Variants in PRR12 observed in about 807,000 individuals in gnomAD.
PRR12 encodes the protein proline-rich protein 12.
In PRR12, 12 loss-of-function variants were observed where a neutral mutation model predicts 138.0. The ratio of observed to expected loss-of-function variants is 0.09; its 90% CI spans 0.06 to 0.14. The LOEUF is 0.14. PRR12 is among the 10% of genes least tolerant of loss of function. PRR12 has a pLI of 1.00. For synonymous variants in PRR12, 1,567 were observed against 1,291.7 expected (o/e 1.21, Z -4.57); for missense variants, 2,692 against 2,861.3 (o/e 0.94, Z 1.35).
At chr19:49,620,521 T>C in intron 10 of PRR12, 44 bp downstream of exon 10, 1 of 1,543,076 alleles carries the variant, frequency 6.5e-7, no homozygotes, top group Non-Finnish European at 8.8e-7. Flanking sequence ...TGACTCGGTC[T>C]GAGGGAGCAG....
At chr19:49,610,046 C>T (rs1331982600) in intron 6 of PRR12, among the ~76,000 whole-genome samples, 2 of 152,004 alleles carry the variant, frequency 1.3e-5, no homozygotes, top group Non-Finnish European at 2.9e-5. Context: ...GCGATCTCGG[C>T]TCACTGCAAC....
chr19:49,602,351 T>C (rs1279559643), intron 6 of PRR12, among the ~76,000 whole-genome samples: 1 of 152,104 alleles, frequency 6.6e-6, no homozygotes, highest in Non-Finnish European at 1.5e-5. Flanking sequence ...ATGGTGGAAA[T>C]GTGTCATTGA....
intron 5 of PRR12, among the ~76,000 whole-genome samples, chr19:49,600,801 C>T (rs926763718): frequency 5.3e-5 from 8 of 152,144 alleles, no homozygotes; most frequent in South Asian, 2.1e-4. Context: ...TTCCGCTCAC[C>T]GCAACCTCTG....
intron 6 of PRR12, among the ~76,000 whole-genome samples, chr19:49,611,465 T>C (rs2080865502): frequency 6.6e-6 from 1 of 151,390 alleles, no homozygotes; most frequent in Non-Finnish European, 1.5e-5. Context: ...GGTAAAACCC[T>C]GCCTCTACTA....
intron 6 of PRR12, among the ~76,000 whole-genome samples, chr19:49,605,891 C>T (rs2080835749): frequency 6.6e-6 from 1 of 152,258 alleles, no homozygotes; most frequent in South Asian, 2.1e-4. Flanking sequence ...AATGTACAGA[C>T]CTTGGGGACT....
At chr19:49,609,299 G>A (rs1002896600) in intron 6 of PRR12, among the ~76,000 whole-genome samples, 2 of 152,036 alleles carry the variant, frequency 1.3e-5, no homozygotes, top group African/African-American at 4.8e-5. Context: ...GAGTGAGACC[G>A]TCTCAAAAAA....
chr19:49,624,575 G>A (rs912285476), intron 11 of PRR12, among the ~76,000 whole-genome samples: 1 of 151,510 alleles, frequency 6.6e-6, no homozygotes, highest in African/African-American at 2.4e-5. Context: ...GGTTAGGATG[G>A]GGCTGGGAAT....
At chr19:49,619,229 T>C (rs1599802083) in intron 9 of PRR12, among the ~76,000 whole-genome samples, 1 of 141,060 alleles carries the variant, frequency 7.1e-6, no homozygotes, top group Admixed American at 7.0e-5. Context: ...TGTGAGTTTT[T>C]TTTTTTTTTT....
At chr19:49,621,824 G>C (rs1020928462) in intron 11 of PRR12, 2 of 577,726 alleles carry the variant, frequency 3.5e-6, no homozygotes, top group Non-Finnish European at 6.2e-6. Context: ...GAGGAGCTGT[G>C]GGCCTTGGGG....
At chr19:49,621,811 G>A (rs775503405) in intron 11 of PRR12, 189 bp downstream of exon 11, 4 of 589,600 alleles carry the variant, frequency 6.8e-6, no homozygotes, top group East Asian at 2.8e-5. Flanking sequence ...AAGCCCATGT[G>A]GGGAGGAGCT....
Position 49,595,433 on chromosome 19 carries a change from G to C in PRR12, c.1098G>C (p.Glu366Asp). The change falls in exon 4 of 14, where the codon GAG becomes GAC. Residue 366 changes from glutamate to aspartate, a missense_variant. Glu to Asp is a conservative substitution (Grantham distance 45). This residue lies in a region of PRR12 where 523 missense variants were observed against 496.4 expected (regional missense o/e 1.05). Coordinates refer to ENST00000418929, the MANE Select transcript of PRR12 (RefSeq NM_020719.3). ...CATCTGGCCGGGCCACGGGCCCTGA[G>C]GCAGCAGGGGGCGGTGGGGCTGGGG... ...AGASGRATGPEAAGGGGAGGG... is the reference protein window; with the variant it reads ...AGASGRATGPDAAGGGGAGGG... 6.5e-7 allele frequency: 1 copy of C among 1,547,368 alleles called. No individual in the cohort carries two copies. Among genetic ancestry groups the C allele is most frequent in the Non-Finnish European group, 8.7e-7 (1 of 1,146,444 alleles).
chr19:49,621,006 G>A (rs1160737023), intron 10 of PRR12, among the ~76,000 whole-genome samples: 3 of 117,804 alleles, frequency 2.5e-5, no homozygotes, highest in Admixed American at 2.5e-4. Flanking sequence ...TCCTGGGTCT[G>A]AGGGAGGAGG....
rs776144775 is a variant in PRR12 at position 49,595,831 on chromosome 19, C to T, written c.1496C>T (p.Pro499Leu). Residue 499 changes from proline (P) to leucine (L), a missense_variant, in exon 4 of 14, where the codon CCG becomes CTG. Coordinates refer to ENST00000418929, the MANE Select transcript of PRR12 (RefSeq NM_020719.3). ...PGLATCQSYS[P>L]DQLQGQLYGV... Reference sequence around the variant, plus strand: ...CTGGCCACATGTCAGAGCTACTCCCCGGACCAGCTGCAGGGGCAGCTGTAT... The same window carrying T: ...CTGGCCACATGTCAGAGCTACTCCCTGGACCAGCTGCAGGGGCAGCTGTAT... 23 of 1,599,612 alleles carry T rather than the reference C, an allele frequency of 1.4e-5. No individual in the cohort carries two copies. Among genetic ancestry groups the T allele is most frequent in the South Asian group, 5.5e-5 (5 of 90,366 alleles).
At chr19:49,621,470 GCCC>G in intron 10 of PRR12, 52 bp from the exon 11 acceptor site, 1 of 1,401,922 alleles carries the variant, frequency 7.1e-7, no homozygotes, top group Non-Finnish European at 9.9e-7. Context: ...CCCCACCTTG[GCCC>G]CAGTGCTTTG....
In PRR12 at chr19:49,625,917, C is replaced by G. The variant is rs1287498138; in HGVS notation, c.*310C>G. On this transcript the variant is annotated 3_prime_UTR_variant, in exon 14 of 14. Transcript: ENST00000418929. This position sits in a 1 kb window ranked among gnomAD's most constrained non-coding sequence, Gnocchi z 5.5. ...CCGACCCCCCCTCCACAGCCACAGC[C>G]CCCGCCCCCTCCACCTTGTACATAA... is the stretch of plus-strand genomic sequence containing the variant. 6 of 202,712 alleles carry G rather than the reference C, an allele frequency of 3.0e-5. No homozygotes were observed. Among genetic ancestry groups the G allele is most frequent in the African/African-American group, 1.2e-4 (5 of 43,136 alleles). The allele number at this position is 202,712 out of a possible 1,614,324, so 12.6% of individuals were successfully genotyped here.
At chr19:49,609,355 C>A (rs556876678) in intron 6 of PRR12, among the ~76,000 whole-genome samples, 6 of 152,136 alleles carry the variant, frequency 3.9e-5, no homozygotes, top group African/African-American at 9.6e-5. Context: ...AATCCCAGCA[C>A]TTTCGGAGGT....
chr19:49,620,368 G>A lies in PRR12; in HGVS notation c.5514G>A (p.Gly1838=), dbSNP rs1274871177. The part of the protein sequence containing the change: ...APSEDERAVP[G]RLLKTRAMRE... The stretch of plus-strand genomic sequence containing the variant: ...TTTCTGCAGAGCGGGCAGTACCTGG[G>A]CGTCTGCTCAAAACCAGGGCGATGC... Residue 1838 remains glycine (G), a synonymous_variant, in exon 10 of 14, where the codon GGG becomes GGA. Coordinates refer to ENST00000418929, the MANE Select transcript of PRR12 (RefSeq NM_020719.3). 1 of 1,613,014 alleles carries A rather than the reference G, an allele frequency of 6.2e-7. No homozygotes were observed. Among genetic ancestry groups the A allele is most frequent in the African/African-American group, 1.3e-5 (1 of 74,934 alleles).
At chr19:49,624,505 G>A (rs1473779769) in intron 11 of PRR12, among the ~76,000 whole-genome samples, 5 of 148,008 alleles carry the variant, frequency 3.4e-5, no homozygotes, top group African/African-American at 1.3e-4. Flanking sequence ...AGGTGGTTAG[G>A]ATGGGGCTGA....
chr19:49,622,932 GAGAGAGAGAGAGAGAGAGAGAGAGAA>G (rs1568432777), intron 11 of PRR12, among the ~76,000 whole-genome samples: 1 of 78,824 alleles, frequency 1.3e-5, no homozygotes, highest in Non-Finnish European at 2.5e-5. Context: ...TATATATAGA[GAGAGAGAGAGAGAGAGAGAGAGAGAA>G]AGAGAGAGAG....
Sources: allele counts gnomAD v4.1 joint callset (sites outside exome capture counted in the v4.1 genomes callset), GRCh38; gene constraint gnomAD v4.1.1; regional missense constraint gnomAD v4.1.1; non-coding constraint Gnocchi (gnomAD v3.1); transcripts MANE v1.5; gene names NCBI Gene and HGNC (gene_info 2026-07-23, HGNC 2026-07-21).